RGS6: variants seen among roughly 807,000 people sequenced by gnomAD.
The protein encoded by RGS6 is regulator of G protein signaling 6, also known as regulator of G-protein signaling 6.
A neutral mutation model predicts 78.5 loss-of-function variants in RGS6; 30 were observed. The ratio of observed to expected loss-of-function variants is 0.38; its 90% confidence interval spans 0.29 to 0.52. The LOEUF is 0.52. Ranked by LOEUF, RGS6 falls within the 20% of genes least tolerant of loss-of-function variation. The pLI is 0.85. For missense variants in RGS6, 495 were observed against 609.7 expected (o/e 0.81, Z 1.98); for synonymous variants, 206 against 206.0 (o/e 1.00, Z 0.00).
intron 2 of RGS6, among the ~76,000 whole-genome samples, chr14:72,015,807 C>T (rs926867201): frequency 6.6e-6 from 1 of 152,170 alleles, no homozygotes; most frequent in African/African-American, 2.4e-5. Context: ...CATTTCTCTG[C>T]GTTCTAGTGT....
At chr14:72,454,601 C>A in intron 4 of RGS6, 23 bp downstream of exon 4, 1 of 1,606,728 alleles carries the variant, frequency 6.2e-7, no homozygotes, top group Non-Finnish European at 8.5e-7. Context: ...TGACCCCACC[C>A]TTATCTCCCC....
intron 17 of RGS6, among the ~76,000 whole-genome samples, chr14:72,542,777 G>A (rs1478237887): frequency 6.6e-6 from 1 of 152,128 alleles, no homozygotes; most frequent in Non-Finnish European, 1.5e-5. Flanking sequence ...TTCTTTTCTT[G>A]GTAGAAGAGA....
In RGS6 at chr14:72,562,691, T is replaced by C; in HGVS notation, c.*224T>C. The C allele has an allele frequency of 6.5e-7, 1 of 1,536,116 alleles. No homozygotes were observed. ...GCTGGGCCCGGTGGAGGCTCCTGTT[T>C]ACAGCCCTCTCTTCTTTGTACAGTT... On this transcript the variant is annotated 3_prime_UTR_variant, in exon 18 of 18. Transcript: ENST00000553525.
At chr14:72,043,164 T>A (rs2092566493) in intron 2 of RGS6, among the ~76,000 whole-genome samples, 1 of 152,166 alleles carries the variant, frequency 6.6e-6, no homozygotes, top group South Asian at 2.1e-4. Flanking sequence ...TTTTTTAGAT[T>A]TGTGGTAAAT....
At chr14:71,889,286 G>T in the RGS6 span, among the ~76,000 whole-genome samples, 2 of 152,036 alleles carry the variant, frequency 1.3e-5, no homozygotes, top group Non-Finnish European at 2.9e-5. Context: ...ATGATTGCGG[G>T]GAAGTACATG....
intron 12 of RGS6, among the ~76,000 whole-genome samples, chr14:72,487,551 G>A (rs550978703): frequency 8.8e-4 from 134 of 152,286 alleles, no homozygotes; most frequent in African/African-American, 3.1e-3. Context: ...CAGGTTCCCG[G>A]AAATGTGGAA....
intron 3 of RGS6, among the ~76,000 whole-genome samples, chr14:72,402,176 T>C (rs758738506): frequency 2.6e-5 from 4 of 152,128 alleles, no homozygotes; most frequent in Middle Eastern, 3.2e-3. Context: ...GAGAGACCCA[T>C]TGGTCCATTC....
intron 3 of RGS6, among the ~76,000 whole-genome samples, chr14:72,406,007 T>C (rs2092894402): frequency 1.3e-5 from 2 of 152,144 alleles, no homozygotes; most frequent in African/African-American, 4.8e-5. Context: ...AAGGTTACTG[T>C]AGACAATAAA....
chr14:72,227,381 C>T (rs1038031811), intron 2 of RGS6, among the ~76,000 whole-genome samples: 7 of 152,164 alleles, frequency 4.6e-5, no homozygotes, highest in African/African-American at 1.2e-4. Flanking sequence ...TCCTGAGTAG[C>T]TGGGACTCCA....
rs966416241 is a variant in RGS6, at chr14:72,320,628, TTATC to T, written c.85-31464_85-31461del. 5.1e-3 allele frequency among the ~76,000 whole-genome samples: 750 copies of T among 146,414 alleles called. 4 individuals carry two copies. Among genetic ancestry groups the T allele is most frequent in the African/African-American group, 0.018 (720 of 41,124 alleles). ...AAAAAATAAAAAACTATTAAAGACTTTATCTAAGAGATGAATGAAGAAACCATGG... is the reference window on the plus strand; with the variant it reads ...AAAAAATAAAAAACTATTAAAGACTTTAAGAGATGAATGAAGAAACCATGG... On this transcript the variant is annotated intron_variant, in intron 2 of 17. Transcript: ENST00000553525.
At chr14:72,502,496 T>TAATTTGG (rs2096740680) in intron 13 of RGS6, among the ~76,000 whole-genome samples, 1 of 152,146 alleles carries the variant, frequency 6.6e-6, no homozygotes, top group Admixed American at 6.5e-5. Flanking sequence ...CCAGGCGCGG[T>TAATTTGG]GACTTATGCC....
chr14:72,472,524 G>A (rs1356732130), intron 8 of RGS6, among the ~76,000 whole-genome samples: 1 of 152,164 alleles, frequency 6.6e-6, no homozygotes, highest in Non-Finnish European at 1.5e-5. Context: ...TTTTTGATAA[G>A]GGGGCATATC....
intron 2 of RGS6, among the ~76,000 whole-genome samples, chr14:72,168,814 G>A (rs1271443811): frequency 6.6e-6 from 1 of 152,198 alleles, no homozygotes; most frequent in Admixed American, 6.5e-5. Context: ...AGGAGCTAGA[G>A]CAGAGCCCTC....
intron 2 of RGS6, among the ~76,000 whole-genome samples, chr14:71,978,159 T>G (rs1046967831): frequency 7.2e-6 from 1 of 139,710 alleles, no homozygotes; most frequent in African/African-American, 2.5e-5. Context: ...AAAGAGATTT[T>G]GGGCTGAGAC....
chr14:72,157,439 A>G (rs76475649), intron 2 of RGS6, among the ~76,000 whole-genome samples: 1,954 of 152,284 alleles, frequency 0.013, 38 homozygotes, highest in African/African-American at 0.044. Context: ...AACCTGTTGC[A>G]TGTCCCTTGA....
At chr14:72,270,117 T>TG (rs1469436357) in intron 2 of RGS6, among the ~76,000 whole-genome samples, 1 of 152,010 alleles carries the variant, frequency 6.6e-6, no homozygotes, top group African/African-American at 2.4e-5. Context: ...CTGGAGGAGG[T>TG]GCTAGTAGAG....
At chr14:71,967,225 G>A (rs958292041) in intron 2 of RGS6, among the ~76,000 whole-genome samples, 5 of 146,316 alleles carry the variant, frequency 3.4e-5, no homozygotes, top group African/African-American at 1.3e-4. Context: ...ATGTTTATTT[G>A]CTATATTAAT....
At chr14:72,109,159 A>T (rs2095698792) in intron 2 of RGS6, among the ~76,000 whole-genome samples, 1 of 148,674 alleles carries the variant, frequency 6.7e-6, no homozygotes, top group African/African-American at 2.5e-5. Context: ...TGTTTTGCTC[A>T]ATTTTATTTT....
the RGS6 span, among the ~76,000 whole-genome samples, chr14:71,906,791 G>GCATACGCTGAAAAGCATAATACTTTTTA: frequency 6.6e-6 from 1 of 151,868 alleles, no homozygotes; most frequent in Non-Finnish European, 1.5e-5. Context: ...GGTCAGATCA[G>GCATACGCTGAAAAGCATAATACTTTTTA]TTTATGCTGA....
Sources: gnomAD v4.1 joint callset for allele counts (sites outside exome capture counted in the v4.1 genomes callset) on GRCh38, gnomAD v4.1.1 for gene constraint, MANE v1.5 for transcripts, NCBI Gene and HGNC (gene_info 2026-07-23, HGNC 2026-07-21) for gene names.